RABEP1: variants seen among roughly 807,000 people sequenced by gnomAD.
RABEP1 encodes the protein rabaptin, RAB GTPase binding effector protein 1.
A neutral mutation model predicts 123.4 loss-of-function variants in RABEP1; 51 were observed. The ratio of observed to expected loss-of-function variants is 0.41; its 90% confidence interval spans 0.33 to 0.52. The LOEUF is 0.52. Among genes scored for constraint, RABEP1 ranks in the 20% least tolerant of loss-of-function variants. RABEP1 has a pLI of 0.16. For missense variants in RABEP1, 888 were observed against 996.3 expected (o/e 0.89, Z 1.46); for synonymous variants, 347 against 355.2 (o/e 0.98, Z 0.26).
intron 2 of RABEP1, among the ~76,000 whole-genome samples, chr17:5,320,926 C>T (rs543495431): frequency 1.3e-5 from 2 of 152,308 alleles, no homozygotes; most frequent in East Asian, 1.9e-4. Flanking sequence ...ATAATAACAA[C>T]ACTGAATGTA....
intron 1 of RABEP1, among the ~76,000 whole-genome samples, chr17:5,286,943 A>C (rs1429218319): frequency 6.6e-6 from 1 of 152,196 alleles, no homozygotes; most frequent in African/African-American, 2.4e-5. Context: ...AAAGACTTGA[A>C]GTAGATAGAG....
At chr17:5,381,677 C>G (rs1201473841) in intron 17 of RABEP1, 172 bp downstream of exon 17, 2 of 1,181,072 alleles carry the variant, frequency 1.7e-6, no homozygotes, top group Non-Finnish European at 1.1e-6. Flanking sequence ...GTGTGTTCTT[C>G]ACACTTGGCC....
chr17:5,285,626 T>C (rs2074970546), intron 1 of RABEP1, among the ~76,000 whole-genome samples: 1 of 152,248 alleles, frequency 6.6e-6, no homozygotes, highest in South Asian at 2.1e-4. Flanking sequence ...TGTAATGTTC[T>C]GCAAACACTA....
intron 2 of RABEP1, 94 bp downstream of exon 2, chr17:5,308,916 C>A: frequency 8.1e-7 from 1 of 1,229,576 alleles, no homozygotes; most frequent in South Asian, 1.8e-5. Context: ...ATTGAATAAA[C>A]CTTGATTTTA....
intron 17 of RABEP1, among the ~76,000 whole-genome samples, chr17:5,382,155 C>T (rs1361392104): frequency 6.0e-5 from 9 of 150,610 alleles, no homozygotes; most frequent in Non-Finnish European, 1.3e-4. Context: ...GATCTTGGCT[C>T]ACTGCAGCCT....
chr17:5,319,703 A>C (rs1478904442), intron 2 of RABEP1, among the ~76,000 whole-genome samples: 1 of 152,134 alleles, frequency 6.6e-6, no homozygotes, highest in African/African-American at 2.4e-5. Flanking sequence ...TAATTAAAAA[A>C]TTAAACAGAA....
intron 13 of RABEP1, 75 bp downstream of exon 13, chr17:5,373,529 C>T (rs1256634492): frequency 2.8e-6 from 4 of 1,426,388 alleles, no homozygotes; most frequent in Non-Finnish European, 3.8e-6. Flanking sequence ...TTTATGTAAA[C>T]AGTTTTATTC....
At chr17:5,341,985 A>G (rs1282122020) in intron 5 of RABEP1, among the ~76,000 whole-genome samples, 1 of 152,244 alleles carries the variant, frequency 6.6e-6, no homozygotes, top group Non-Finnish European at 1.5e-5. Flanking sequence ...ACCCATGCTC[A>G]GTAATTCAGA....
intron 1 of RABEP1, among the ~76,000 whole-genome samples, chr17:5,284,341 A>G (rs2074957009): frequency 6.6e-6 from 1 of 152,282 alleles, no homozygotes; most frequent in Non-Finnish European, 1.5e-5. Context: ...TAGTTTGCAT[A>G]GATTGCAATT....
chr17:5,294,772 C>T (rs1047133522), intron 1 of RABEP1, among the ~76,000 whole-genome samples: 19 of 147,994 alleles, frequency 1.3e-4, no homozygotes, highest in Non-Finnish European at 2.2e-4. Flanking sequence ...CTCAGCCTCC[C>T]GAGTAGCTGG....
chr17:5,331,963 C>T lies in RABEP1; in HGVS notation c.178C>T (p.Gln60Ter). Reference protein sequence around the residue: ...YLAKEEDLKRQNAVLQAAQDD... With the variant: ...YLAKEEDLKR ...TTTCTCTCCAGAGGATCTGAAGAGG[C>T]AAAATGCAGTATTACAAGCTGCACA... Residue 60 changes from glutamine to a stop codon, truncating the protein, a stop_gained, in exon 3 of 18, where the codon CAA becomes TAA. Coordinates refer to ENST00000537505, the MANE Select transcript of RABEP1 (RefSeq NM_004703.6). LOFTEE classifies it high-confidence loss of function. 6.2e-7 allele frequency: 1 copy of T among 1,613,846 alleles called. No individual in the cohort carries two copies. Among genetic ancestry groups the T allele is most frequent in the Non-Finnish European group, 8.5e-7 (1 of 1,179,878 alleles).
intron 7 of RABEP1, 90 bp downstream of exon 7, chr17:5,350,719 C>A: frequency 7.3e-7 from 1 of 1,377,224 alleles, no homozygotes; most frequent in Non-Finnish European, 1.0e-6. Context: ...TAGAGACTGA[C>A]TTAAGCTGCA....
At chr17:5,367,353 C>T (rs1046779958) in intron 11 of RABEP1, among the ~76,000 whole-genome samples, 26 of 151,776 alleles carry the variant, frequency 1.7e-4, no homozygotes, top group South Asian at 4.2e-4. Context: ...CTCACTGCAA[C>T]GTCTGCCTCC....
At chr17:5,328,672 G>C (rs1480045238) in intron 2 of RABEP1, among the ~76,000 whole-genome samples, 27 of 85,118 alleles carry the variant, frequency 3.2e-4, no homozygotes, top group African/African-American at 1.2e-3. Flanking sequence ...AAAAAAAAAA[G>C]CCGGGCGCAG....
intron 1 of RABEP1, among the ~76,000 whole-genome samples, chr17:5,299,730 TCTTTTTTTTTTTTTTTTG>T (rs1567867997): frequency 8.4e-6 from 1 of 118,740 alleles, no homozygotes; most frequent in African/African-American, 3.4e-5. Flanking sequence ...TTTTTCTTTT[TCTTTTTTTTTTTTTTTTG>T]GAGGCAGAGT....
At position 5,354,339 on chromosome 17, in the gene RABEP1, TG is replaced by T; in HGVS notation, c.964-19del. ...AAGTAGGTTACTTGGGTCATATATATGTTTTTTTCTTCCTTTTAGGAGGATG... is the reference window on the plus strand; with the variant it reads ...AAGTAGGTTACTTGGGTCATATATATTTTTTTTCTTCCTTTTAGGAGGATG... On this transcript the variant is annotated intron_variant, in intron 7 of 17. Coordinates refer to ENST00000537505, the MANE Select transcript of RABEP1 (RefSeq NM_004703.6). 2 of 1,595,590 alleles carry T rather than the reference TG, an allele frequency of 1.3e-6. No individual in the cohort carries two copies. Among genetic ancestry groups the T allele is most frequent in the Non-Finnish European group, 1.7e-6 (2 of 1,171,476 alleles).
intron 13 of RABEP1, among the ~76,000 whole-genome samples, chr17:5,374,670 TG>T (rs1910836702): frequency 6.7e-6 from 1 of 149,044 alleles, no homozygotes; most frequent in African/African-American, 2.6e-5. Context: ...GATGGAGTCT[TG>T]CTCTGTCACC....
chr17:5,285,465 C>T (rs2074968958), intron 1 of RABEP1, among the ~76,000 whole-genome samples: 1 of 152,032 alleles, frequency 6.6e-6, no homozygotes, highest in Non-Finnish European at 1.5e-5. Context: ...CCATGTTGGC[C>T]AGGCTGGATT....
At chr17:5,370,358 A>C (rs1351691352) in intron 12 of RABEP1, among the ~76,000 whole-genome samples, 1 of 152,208 alleles carries the variant, frequency 6.6e-6, no homozygotes, top group Non-Finnish European at 1.5e-5. Flanking sequence ...TCGCTACAGT[A>C]CTGTTATTAC....
Sources: allele counts gnomAD v4.1 joint callset (sites outside exome capture counted in the v4.1 genomes callset), GRCh38; gene constraint gnomAD v4.1.1; transcripts MANE v1.5; gene names NCBI Gene and HGNC (gene_info 2026-07-23, HGNC 2026-07-21).